The following KCNT1 variants were observed in gnomAD, a reference collection of about 807,000 sequenced individuals.
The protein encoded by KCNT1 is potassium sodium-activated channel subfamily T member 1.
Under a neutral mutation model 147.8 loss-of-function variants are expected in KCNT1, and 78 were observed. That is an observed-to-expected ratio of 0.53 (90% CI 0.44 to 0.64). The LOEUF is 0.64. Among genes scored for constraint, KCNT1 ranks in the 30% least tolerant of loss-of-function variants. KCNT1 has a pLI of 0.00. For missense variants in KCNT1, 1,419 were observed against 1,750.3 expected, an observed-to-expected ratio of 0.81 and a Z score of 3.38; for synonymous variants, 867 against 748.8, an observed-to-expected ratio of 1.16 and a Z score of -2.58.
intron 2 of KCNT1, among the ~76,000 whole-genome samples, chr9:135,732,044 A>AGAGAGAGAGAGAGAGAGAGGGG (rs1836507050): frequency 7.4e-6 from 1 of 134,806 alleles, no homozygotes. Context: ...AGAGAGAGGG[A>AGAGAGAGAGAGAGAGAGAGGGG]GTCTCACTCT....
intron 3 of KCNT1, chr9:135,750,466 G>A: frequency 3.8e-6 from 2 of 521,074 alleles, no homozygotes; most frequent in South Asian, 2.1e-5. Context: ...GGTGGGGCAG[G>A]ACCATCCATA....
At chr9:135,734,548 G>A (rs570716321) in intron 2 of KCNT1, among the ~76,000 whole-genome samples, 22 of 152,214 alleles carry the variant, frequency 1.4e-4, no homozygotes, top group South Asian at 6.2e-4. Flanking sequence ...TGCTGCAGCC[G>A]GCTGTGGGCA....
chr9:135,772,249 C>A (rs1832810277), intron 18 of KCNT1, among the ~76,000 whole-genome samples: 1 of 152,202 alleles, frequency 6.6e-6, no homozygotes, highest in South Asian at 2.1e-4. Context: ...AGGCCCTGGG[C>A]CATACCTAGA....
chr9:135,731,994 A>AGAGAGAGAGAGG (rs1836482503), intron 2 of KCNT1, among the ~76,000 whole-genome samples: 1 of 40,218 alleles, frequency 2.5e-5, no homozygotes, highest in African/African-American at 9.1e-5. Context: ...ATATATATAG[A>AGAGAGAGAGAGG]GAGAGAGAGA....
Position 135,752,135 on chromosome 9 carries a change from T to A in KCNT1, c.434+1094T>A. The A allele has an allele frequency of 3.0e-6, 1 of 337,712 alleles. No individual in the cohort carries two copies. Among genetic ancestry groups the A allele is most frequent in the South Asian group, 2.3e-5 (1 of 43,708 alleles). 20.9% of individuals were successfully genotyped at this position (337,712 alleles called of 1,614,324 possible). ...TGCAGCCACGTGTGTGGTGTGGTTG[T>A]CACCATCCAGCCATCGGGGTGAACC... On this transcript the variant is annotated intron_variant, in intron 4 of 30. Transcript: ENST00000371757. The surrounding 1 kb of genome is among the most constrained non-coding windows in gnomAD (Gnocchi z 5.1).
At chr9:135,725,109 A>G (rs555065338) in intron 2 of KCNT1, among the ~76,000 whole-genome samples, 3 of 152,320 alleles carry the variant, frequency 2.0e-5, no homozygotes, top group South Asian at 2.1e-4. Context: ...TGGTGGCTCA[A>G]TGGCCCAACC....
chr9:135,759,976 C>A, intron 11 of KCNT1, 117 bp downstream of exon 11: 1 of 969,566 alleles, frequency 1.0e-6, no homozygotes. Flanking sequence ...CAGGAGGGGA[C>A]AGTGAGGCCA....
Position 135,770,865 on chromosome 9 carries a change from T to C in KCNT1, c.1778T>C (p.Val593Ala). The C allele has an allele frequency of 6.4e-7, 1 of 1,570,842 alleles. No homozygotes were observed. The highest frequency in any genetic ancestry group is 8.6e-7 in the Non-Finnish European group (1 of 1,157,004). The change falls in exon 18 of 31, where the codon GTG becomes GCG. Residue 593 changes from valine (V) to alanine (A), a missense_variant. By Grantham distance (64) the Val-to-Ala change is moderately conservative. Around this residue, in one of 5 missense-constraint regions of KCNT1, gnomAD observed 284 missense variants for 292.8 expected, o/e 0.97. Coordinates refer to ENST00000371757, the MANE Select transcript of KCNT1 (RefSeq NM_020822.3). ...CCGGTGCCTCTGCCCAGGTATGGCGTGTGCCTCATCGGGCTGAAGCGGGAG... is the reference window on the plus strand; with the variant it reads ...CCGGTGCCTCTGCCCAGGTATGGCGCGTGCCTCATCGGGCTGAAGCGGGAG... ...AAFHAHKKYG[V>A]CLIGLKREDN...
chr9:135,777,637 T>A (rs1833264241), intron 21 of KCNT1, 127 bp downstream of exon 21: 1 of 857,392 alleles, frequency 1.2e-6, no homozygotes. Context: ...TCTGGCCTGG[T>A]CCTCTCAGCT....
chr9:135,730,990 T>TAAAAAAAAAAAAAAAAAAAAAAAAAA lies in KCNT1; in HGVS notation c.254+16293_254+16294insAAAAAAAAAAAAAAAAAAAAAAAAAA, dbSNP rs56307359. ...AACAAAGTGAGATCCCGTCTCAAGGTAAAAAAAAAAAAAAAAAAAAAAAGT... is the reference window on the plus strand; with the variant it reads ...AACAAAGTGAGATCCCGTCTCAAGGTAAAAAAAAAAAAAAAAAAAAAAAAAAAAAAAAAAAAAAAAAAAAAAAAAGT... On this transcript the variant is annotated intron_variant, in intron 2 of 30. Coordinates refer to ENST00000371757, the MANE Select transcript of KCNT1 (RefSeq NM_020822.3). This position sits in a 1 kb window ranked among gnomAD's most constrained non-coding sequence, Gnocchi z 4.7. Among the ~76,000 whole-genome samples the TAAAAAAAAAAAAAAAAAAAAAAAAAA allele has an allele frequency of 2.3e-5, 2 of 85,594 alleles. No individual in the cohort carries two copies. The highest frequency in any genetic ancestry group is 4.4e-4 in the South Asian group (1 of 2,278). The allele number at this position is 85,594 out of a possible 152,430, so 56.2% of individuals were successfully genotyped here. A position where few individuals can be genotyped will look rare whatever the true frequency, so the allele number is the denominator to read the frequency against.
intron 29 of KCNT1, chr9:135,788,037 C>G (rs1456713320): frequency 7.4e-7 from 1 of 1,346,310 alleles, no homozygotes; most frequent in Non-Finnish European, 1.1e-6. Flanking sequence ...CCGCCCGCAC[C>G]TCGCTTGCTG....
intron 2 of KCNT1, among the ~76,000 whole-genome samples, chr9:135,721,630 T>C (rs980398281): frequency 6.6e-6 from 1 of 152,198 alleles, no homozygotes; most frequent in African/African-American, 2.4e-5. Flanking sequence ...ACCTGCATGA[T>C]TGAGTCAAGG....
rs531011381 is a variant in KCNT1 at position 135,752,968 on chromosome 9, T to C, written c.435-969T>C. Among the ~76,000 whole-genome samples, 13 of 142,340 alleles carry C rather than the reference T, an allele frequency of 9.1e-5. No individual in the cohort carries two copies. Among genetic ancestry groups the C allele is most frequent in the African/African-American group, 3.5e-4 (13 of 37,324 alleles). The allele number at this position is 142,340 out of a possible 152,430, so 93.4% of individuals were successfully genotyped here. The stretch of plus-strand genomic sequence containing the variant: ...GTAGATGGATAGATGGATGAGTGGA[T>C]GGATGATGAGCAGATGGTTGGAGGG... On this transcript the variant is annotated intron_variant, in intron 4 of 30. Transcript: ENST00000371757. This position sits in a 1 kb window ranked among gnomAD's most constrained non-coding sequence, Gnocchi z 5.1.
Position 135,714,744 on chromosome 9 carries a change from G to A in KCNT1, c.254+24G>A, listed in dbSNP as rs765718835. 2.4e-6 allele frequency: 3 copies of A among 1,271,886 alleles called. No homozygotes were observed. The highest frequency in any genetic ancestry group is 3.0e-6 in the Non-Finnish European group (3 of 994,084). The allele number at this position is 1,271,886 out of a possible 1,614,324, so 78.8% of individuals were successfully genotyped here. The stretch of plus-strand genomic sequence containing the variant: ...AGGTAGGGACCGGGCGCGGGGTGGG[G>A]GCTGGGGTCGCCGTCCCGGCGCCGC... On this transcript the variant is annotated intron_variant, in intron 2 of 30. Transcript: ENST00000371757. The surrounding 1 kb of genome is among the most constrained non-coding windows in gnomAD (Gnocchi z 6.2).
chr9:135,779,559 TG>T, intron 24 of KCNT1, 89 bp downstream of exon 24: 1 of 983,332 alleles, frequency 1.0e-6, no homozygotes, highest in Non-Finnish European at 1.6e-6. Flanking sequence ...GCCAGTGCCA[TG>T]GGAGGCTGGG....
intron 2 of KCNT1, among the ~76,000 whole-genome samples, chr9:135,741,191 TG>T: frequency 6.6e-6 from 1 of 152,270 alleles, no homozygotes; most frequent in Admixed American, 6.5e-5. Context: ...AACAGGGCCT[TG>T]GGCAGAGTAG....
At chr9:135,772,564 C>T (rs933799537) in intron 18 of KCNT1, 151 bp from the exon 19 acceptor site, 2 of 484,600 alleles carry the variant, frequency 4.1e-6, no homozygotes, top group Non-Finnish European at 6.9e-6. Flanking sequence ...GAGGGGGAAA[C>T]TGAGGCATAG....
intron 13 of KCNT1, 189 bp from the exon 14 acceptor site, chr9:135,768,421 C>T (rs1328102118): frequency 2.0e-5 from 11 of 541,262 alleles, no homozygotes; most frequent in South Asian, 7.0e-5. Context: ...TAGGGGCCTC[C>T]TCCCGCCTTC....
chr9:135,750,538 C>T, intron 3 of KCNT1: 1 of 447,096 alleles, frequency 2.2e-6, no homozygotes, highest in South Asian at 2.4e-5. Context: ...ACAGCCCCAC[C>T]CTCCCCAACA....
Sources: gnomAD v4.1 joint callset for allele counts (sites outside exome capture counted in the v4.1 genomes callset) on GRCh38, gnomAD v4.1.1 for gene constraint, gnomAD v4.1.1 regional missense constraint, Gnocchi (gnomAD v3.1) non-coding constraint, MANE v1.5 for transcripts, NCBI Gene and HGNC (gene_info 2026-07-23, HGNC 2026-07-21) for gene names.